Variants in AGBL1 observed in about 807,000 individuals in gnomAD.
AGBL1 encodes the protein cytosolic carboxypeptidase 4.
In AGBL1, 130 loss-of-function variants were observed where a neutral mutation model predicts 118.9. The ratio of observed to expected loss-of-function variants is 1.09; its 90% CI spans 0.95 to 1.26. AGBL1 has a LOEUF of 1.26. Among genes scored for constraint, AGBL1 ranks in the 50% most tolerant of loss-of-function variants. The pLI, the probability that AGBL1 is intolerant of heterozygous loss-of-function variation, is 0.00. For synonymous variants in AGBL1, 555 were observed against 478.9 expected (o/e 1.16, Z -2.08); for missense variants, 1,584 against 1,298.1 (o/e 1.22, Z -3.38).
chr15:86,623,844 T>A (rs1478683254), intron 21 of AGBL1, among the ~76,000 whole-genome samples: 1 of 152,270 alleles, frequency 6.6e-6, no homozygotes, highest in Non-Finnish European at 1.5e-5. Context: ...TGGATTTTAC[T>A]GTCTATTCAC....
chr15:86,725,911 GTTC>G (rs2086811184), intron 22 of AGBL1, among the ~76,000 whole-genome samples: 1 of 152,104 alleles, frequency 6.6e-6, no homozygotes, highest in South Asian at 2.1e-4. Flanking sequence ...TGGACTATGA[GTTC>G]TTAAAGGACA....
intron 22 of AGBL1, among the ~76,000 whole-genome samples, chr15:86,879,307 G>A (rs1187514482): frequency 6.6e-6 from 1 of 152,210 alleles, no homozygotes; most frequent in Non-Finnish European, 1.5e-5. Context: ...AGCCCCTGGG[G>A]CAGCAGCTCC....
intron 17 of AGBL1, among the ~76,000 whole-genome samples, chr15:86,347,255 C>T (rs1390862): frequency 6.6e-6 from 1 of 151,896 alleles, no homozygotes; most frequent in African/African-American, 2.4e-5. Flanking sequence ...TTTACAACAC[C>T]CATCTTACTA....
At chr15:86,449,980 A>G (rs6496336) in intron 18 of AGBL1, among the ~76,000 whole-genome samples, 100,444 of 151,982 alleles carry the variant, frequency 0.66, 34,936 homozygotes, top group East Asian at 0.87. Flanking sequence ...TGGCATTTCA[A>G]GCTTCCCTTC....
chr15:86,840,488 C>G (rs1487240495), intron 22 of AGBL1, among the ~76,000 whole-genome samples: 2 of 152,130 alleles, frequency 1.3e-5, no homozygotes, highest in Non-Finnish European at 2.9e-5. Context: ...CTCTGTTGCC[C>G]AGACTGGAGT....
In AGBL1 at chr15:86,642,988, T is replaced by C. The variant is rs189419376; in HGVS notation, c.2995-31285T>C. ...GCGAGTTTGGGGTTTTGAGATTGCT[T>C]TAAATCAATGATTATATGACATCAA... On this transcript the variant is annotated intron_variant, in intron 21 of 22. Coordinates refer to ENST00000614907, the MANE Select transcript of AGBL1 (RefSeq NM_001386094.1). 8.5e-5 allele frequency among the ~76,000 whole-genome samples: 13 copies of C among 152,328 alleles called. 1 individual carries two copies. The highest frequency in any genetic ancestry group is 3.1e-4 in the African/African-American group (13 of 41,582).
chr15:86,740,682 C>T (rs1334527537), intron 22 of AGBL1, among the ~76,000 whole-genome samples: 1 of 152,034 alleles, frequency 6.6e-6, no homozygotes, highest in African/African-American at 2.4e-5. Flanking sequence ...TCATGGGGAG[C>T]TGGGTAGACA....
intron 17 of AGBL1, among the ~76,000 whole-genome samples, chr15:86,321,855 A>G (rs2080109909): frequency 7.8e-6 from 1 of 128,204 alleles, no homozygotes; most frequent in Non-Finnish European, 1.6e-5. Context: ...TGATATTTTC[A>G]TTTTCTGTCA....
intron 16 of AGBL1, among the ~76,000 whole-genome samples, chr15:86,286,475 G>A (rs1033288768): frequency 5.9e-5 from 9 of 151,460 alleles, no homozygotes; most frequent in Non-Finnish European, 8.8e-5. Context: ...CCTTGTTCCC[G>A]CTCCTCCAGG....
intron 1 of AGBL1, among the ~76,000 whole-genome samples, chr15:86,110,471 A>G (rs1380468739): frequency 2.0e-5 from 3 of 152,186 alleles, no homozygotes; most frequent in Non-Finnish European, 4.4e-5. Context: ...GGATCATCTT[A>G]AGGGTCTTCA....
At position 86,522,860 on chromosome 15, in the gene AGBL1, C is replaced by T. The variant is rs764370051; in HGVS notation, c.2606C>T (p.Pro869Leu). 1.2e-6 allele frequency: 2 copies of T among 1,613,780 alleles called. No individual in the cohort carries two copies. The highest frequency in any genetic ancestry group is 1.7e-5 in the Admixed American group (1 of 59,994). The change falls in exon 19 of 23, where the codon CCC becomes CTC. Residue 869 changes from proline (P) to leucine (L), a missense_variant. Transcript: ENST00000614907. ...GATTTGAACAGACAATGGCTTTCTC[C>T]CAGTGCTCATCTGCAGCCAACCATT... ...GEDLNRQWLS[P>L]SAHLQPTIYH...
chr15:86,446,190 C>A (rs2082118568), intron 18 of AGBL1, among the ~76,000 whole-genome samples: 1 of 152,198 alleles, frequency 6.6e-6, no homozygotes, highest in African/African-American at 2.4e-5. Context: ...ACTCTCCTGT[C>A]CCTCACATCT....
At chr15:86,992,508 T>C (rs2081344540) in intron 24 of AGBL1, among the ~76,000 whole-genome samples, 1 of 152,176 alleles carries the variant, frequency 6.6e-6, no homozygotes, top group Admixed American at 6.5e-5. Flanking sequence ...ACTAAATTTA[T>C]TTCTCAGTGA....
intron 6 of AGBL1, among the ~76,000 whole-genome samples, chr15:86,246,048 G>A (rs960535491): frequency 6.6e-6 from 1 of 152,018 alleles, no homozygotes; most frequent in Non-Finnish European, 1.5e-5. Flanking sequence ...ACCACATTTG[G>A]CTTATTTTTA....
chr15:86,302,370 AT>A (rs2079762591), intron 17 of AGBL1, among the ~76,000 whole-genome samples: 1 of 152,166 alleles, frequency 6.6e-6, no homozygotes, highest in Non-Finnish European at 1.5e-5. Flanking sequence ...TGCCAATGCC[AT>A]TGATTTACAC....
At chr15:86,937,080 A>T (rs1186405371) in intron 23 of AGBL1, among the ~76,000 whole-genome samples, 1 of 152,226 alleles carries the variant, frequency 6.6e-6, no homozygotes. Flanking sequence ...CATTAGAGAA[A>T]TGCAAATGGA....
At chr15:86,917,495 G>A (rs895170524), downstream of AGBL1, among the ~76,000 whole-genome samples, 9 of 152,172 alleles carry the variant, frequency 5.9e-5, no homozygotes, top group Admixed American at 1.3e-4. This position sits in a 1 kb window ranked among gnomAD's most constrained non-coding sequence, Gnocchi z 4.8. Context: ...GAATGTTCCG[G>A]CCACTGTACA....
intron 5 of AGBL1, among the ~76,000 whole-genome samples, chr15:86,213,660 C>T (rs894537520): frequency 5.3e-5 from 8 of 152,072 alleles, no homozygotes; most frequent in African/African-American, 1.9e-4. Flanking sequence ...CCACACTGTA[C>T]CCCTCTTTCC....
chr15:86,739,909 AAGAGAAATGTTT>A (rs1356748855), intron 22 of AGBL1, among the ~76,000 whole-genome samples: 2 of 152,164 alleles, frequency 1.3e-5, no homozygotes, highest in Non-Finnish European at 2.9e-5. Context: ...CCCTGCTATG[AAGAGAAATGTTT>A]ATGGTTTTCT....
Sources: gnomAD v4.1 joint callset for allele counts (sites outside exome capture counted in the v4.1 genomes callset) on GRCh38, gnomAD v4.1.1 for gene constraint, Gnocchi (gnomAD v3.1) non-coding constraint, MANE v1.5 for transcripts, NCBI Gene and HGNC (gene_info 2026-07-23, HGNC 2026-07-21) for gene names.